Variants in FOXL2NB observed in about 807,000 individuals in gnomAD.
FOXL2NB encodes FOXL2 neighbor protein.
Under a neutral mutation model 7.4 loss-of-function variants are expected in FOXL2NB, and 10 were observed. The ratio of observed to expected loss-of-function variants is 1.34; its 90% CI spans 0.83 to 2.28. The LOEUF is 2.28. FOXL2NB is among the 30% of genes most tolerant of loss of function. FOXL2NB has a pLI of 0.00. For missense variants in FOXL2NB, 228 were observed against 233.9 expected (o/e 0.97, Z 0.17); for synonymous variants, 104 against 105.3 (o/e 0.99, Z 0.08).
rs5852928 is a variant in FOXL2NB, at chr3:138,949,391, CGTGT to C, written c.101-106_101-103del. Reference sequence around the variant, plus strand: ...AAGAGCCTGTGTGTGTATGCATGTGCGTGTGTGTGTGTGTGTGTGTGTGTGTAGG... The same window carrying C: ...AAGAGCCTGTGTGTGTATGCATGTGCGTGTGTGTGTGTGTGTGTGTGTAGG... On this transcript the variant is annotated intron_variant, in intron 1 of 2. Coordinates refer to ENST00000383165, the MANE Select transcript of FOXL2NB (RefSeq NM_001040061.3). The surrounding 1 kb of genome is among the most constrained non-coding windows in gnomAD (Gnocchi z 4.5). 9,607 of 811,190 alleles carry C rather than the reference CGTGT, an allele frequency of 0.012. 41 individuals are homozygous for C. Among genetic ancestry groups the C allele is most frequent in the East Asian group, 0.026 (900 of 34,974 alleles). 50.2% of individuals were successfully genotyped at this position (811,190 alleles called of 1,614,324 possible).
At position 138,949,928 on chromosome 3, in the gene FOXL2NB, T is replaced by C. The variant is rs1222363679; in HGVS notation, c.220+289T>C. 5 of 688,412 alleles carry C rather than the reference T, an allele frequency of 7.3e-6. No homozygotes were observed. The highest frequency in any genetic ancestry group is 1.3e-5 in the Non-Finnish European group (5 of 378,016). 42.6% of individuals were successfully genotyped at this position (688,412 alleles called of 1,614,324 possible). On this transcript the variant is annotated intron_variant, in intron 2 of 2. Coordinates refer to ENST00000383165, the MANE Select transcript of FOXL2NB (RefSeq NM_001040061.3). This position sits in a 1 kb window ranked among gnomAD's most constrained non-coding sequence, Gnocchi z 4.5. ...TAGGTTTTGTGGACGCCAGGGCCGG[T>C]TCCTTTTCTCCCCGCGGCATTGGGG...
Position 138,950,354 on chromosome 3 carries a change from GAGGC to G in FOXL2NB, c.317_320del (p.Gly106AlafsTer4). 1.9e-6 allele frequency: 3 copies of G among 1,611,644 alleles called. No individual in the cohort carries two copies. The highest frequency in any genetic ancestry group is 2.5e-6 in the Non-Finnish European group (3 of 1,179,672). ...ACTAGGGAAGCGTCGCGGCTGCTCTGAGGCAGGCAGCGCTTCGCTAGAACCACTC... is the reference window on the plus strand; with the variant it reads ...ACTAGGGAAGCGTCGCGGCTGCTCTGAGGCAGCGCTTCGCTAGAACCACTC... On this transcript the variant is annotated frameshift_variant, in exon 3 of 3. Coordinates refer to ENST00000383165, the MANE Select transcript of FOXL2NB (RefSeq NM_001040061.3). LOFTEE classifies it low-confidence loss of function (END_TRUNC).
At position 138,947,500 on chromosome 3, in the gene FOXL2NB, T is replaced by G; in HGVS notation, c.100+36T>G. On this transcript the variant is annotated intron_variant, in intron 1 of 2. Coordinates refer to ENST00000383165, the MANE Select transcript of FOXL2NB (RefSeq NM_001040061.3). This position sits in a 1 kb window ranked among gnomAD's most constrained non-coding sequence, Gnocchi z 5.2. ...ACGACTCCTTTGCTCTGCCGTTTGC[T>G]GCCGTCTTGAGGCTGAACTTCTAGC... The G allele has an allele frequency of 6.6e-7, 1 of 1,512,826 alleles. No individual in the cohort carries two copies. The highest frequency in any genetic ancestry group is 8.9e-7 in the Non-Finnish European group (1 of 1,122,720). 93.7% of individuals were successfully genotyped at this position (1,512,826 alleles called of 1,614,324 possible).
At chr3:138,948,078 T>A in intron 1 of FOXL2NB, 1 of 691,188 alleles carries the variant, frequency 1.4e-6, no homozygotes, top group Non-Finnish European at 1.8e-6. Flanking sequence ...AGTTATGTAA[T>A]ATGTTCATCA....
At chr3:138,950,107 C>A in intron 2 of FOXL2NB, 158 bp from the exon 3 acceptor site, 1 of 830,838 alleles carries the variant, frequency 1.2e-6, no homozygotes, top group Non-Finnish European at 2.0e-6. Flanking sequence ...GACCGTGGTC[C>A]CACCGTAGCG....
chr3:138,950,286 G>C lies in FOXL2NB; in HGVS notation c.242G>C (p.Arg81Pro), dbSNP rs1325943097. 17 of 1,605,046 alleles carry C rather than the reference G, an allele frequency of 1.1e-5. No homozygotes were observed. The highest frequency in any genetic ancestry group is 1.7e-5 in the Admixed American group (1 of 57,170). Residue 81 changes from arginine to proline, a missense_variant, in exon 3 of 3, where the codon CGG becomes CCG. Transcript: ENST00000383165. ...QKTGPGILQQ[R>P]QKPPAPRASG... is the part of the protein sequence containing the mutation. ...CCAGGGCCGGGAATCCTGCAACAGCGGCAGAAGCCGCCCGCGCCTCGGGCT... is the reference window on the plus strand; with the variant it reads ...CCAGGGCCGGGAATCCTGCAACAGCCGCAGAAGCCGCCCGCGCCTCGGGCT...
rs1936057223 is a variant in FOXL2NB at position 138,949,038 on chromosome 3, C to G, written c.101-482C>G. Among the ~76,000 whole-genome samples, 1 of 152,206 alleles carries G rather than the reference C, an allele frequency of 6.6e-6. No individual in the cohort carries two copies. Among genetic ancestry groups the G allele is most frequent in the Non-Finnish European group, 1.5e-5 (1 of 68,036 alleles). ...CAGATGTTTTTCTTCTTCCTTACCC[C>G]CATCCTTGCCCAAGCTTTGGGTGGG... is the stretch of plus-strand genomic sequence containing the variant. On this transcript the variant is annotated intron_variant, in intron 1 of 2. Coordinates refer to ENST00000383165, the MANE Select transcript of FOXL2NB (RefSeq NM_001040061.3). This position sits in a 1 kb window ranked among gnomAD's most constrained non-coding sequence, Gnocchi z 4.5.
rs750537114 is a variant in FOXL2NB at position 138,950,235 on chromosome 3, C to G, written c.221-30C>G. The G allele has an allele frequency of 2.5e-6, 4 of 1,607,574 alleles. No homozygotes were observed. The Admixed American group carries it at 6.7e-5, about 27-fold the overall frequency. On this transcript the variant is annotated intron_variant, in intron 2 of 2. Transcript: ENST00000383165. Reference sequence around the variant, plus strand: ...CGACAGCCGGCGCGAGCAATCTACACGGCTCTGATACAGACGCTTTTCTCC... The same window carrying G: ...CGACAGCCGGCGCGAGCAATCTACAGGGCTCTGATACAGACGCTTTTCTCC...
Position 138,947,578 on chromosome 3 carries a change from G to A in FOXL2NB, c.100+114G>A. Reference sequence around the variant, plus strand: ...AGGGGGCTGGACGGGGTAGGGTGGGGAGAGCTGCTCTGAGGCTTTGGGAAA... The same window carrying A: ...AGGGGGCTGGACGGGGTAGGGTGGGAAGAGCTGCTCTGAGGCTTTGGGAAA... On this transcript the variant is annotated intron_variant, in intron 1 of 2. Coordinates refer to ENST00000383165, the MANE Select transcript of FOXL2NB (RefSeq NM_001040061.3). The surrounding 1 kb of genome is among the most constrained non-coding windows in gnomAD (Gnocchi z 5.2). 6.9e-7 allele frequency: 1 copy of A among 1,448,586 alleles called. No homozygotes were observed. The highest frequency in any genetic ancestry group is 9.1e-7 in the Non-Finnish European group (1 of 1,096,996). 89.7% of individuals were successfully genotyped at this position (1,448,586 alleles called of 1,614,324 possible). A position where few individuals can be genotyped will look rare whatever the true frequency, so the allele number is the denominator to read the frequency against.
In FOXL2NB at chr3:138,947,599, G is replaced by A; in HGVS notation, c.100+135G>A. 12 of 1,421,012 alleles carry A rather than the reference G, an allele frequency of 8.4e-6. No homozygotes were observed. The highest frequency in any genetic ancestry group is 1.1e-5 in the Non-Finnish European group (12 of 1,087,024). The allele number at this position is 1,421,012 out of a possible 1,614,324, so 88.0% of individuals were successfully genotyped here. A position where few individuals can be genotyped will look rare whatever the true frequency, so the allele number is the denominator to read the frequency against. On this transcript the variant is annotated intron_variant, in intron 1 of 2. Transcript: ENST00000383165. This position sits in a 1 kb window ranked among gnomAD's most constrained non-coding sequence, Gnocchi z 5.2. ...TGGGGAGAGCTGCTCTGAGGCTTTGGGAAAGTCAGCCCAGAAACGGGTGTG... is the reference window on the plus strand; with the variant it reads ...TGGGGAGAGCTGCTCTGAGGCTTTGAGAAAGTCAGCCCAGAAACGGGTGTG...
In FOXL2NB at chr3:138,950,936, T is replaced by C. The variant is rs894853226; in HGVS notation, c.*364T>C. The C allele has an allele frequency of 7.1e-6, 2 of 281,908 alleles. No individual in the cohort carries two copies. The highest frequency in any genetic ancestry group is 1.3e-5 in the Non-Finnish European group (2 of 150,990). The allele number at this position is 281,908 out of a possible 1,614,324, so 17.5% of individuals were successfully genotyped here. ...TACAAGCCTGACTCCGAGAAGCCTGTTGATTCTCTGATGTCCTTGGCCTGT... is the reference window on the plus strand; with the variant it reads ...TACAAGCCTGACTCCGAGAAGCCTGCTGATTCTCTGATGTCCTTGGCCTGT... On this transcript the variant is annotated 3_prime_UTR_variant, in exon 3 of 3. Coordinates refer to ENST00000383165, the MANE Select transcript of FOXL2NB (RefSeq NM_001040061.3).
Position 138,947,832 on chromosome 3 carries a change from T to C in FOXL2NB, c.100+368T>C. On this transcript the variant is annotated intron_variant, in intron 1 of 2. Transcript: ENST00000383165. This position sits in a 1 kb window ranked among gnomAD's most constrained non-coding sequence, Gnocchi z 5.2. ...TGGAGTGAAGGTTGGATGTGTGCTTTAACAGCACCAAGTAGATGCCCCTCA... is the reference window on the plus strand; with the variant it reads ...TGGAGTGAAGGTTGGATGTGTGCTTCAACAGCACCAAGTAGATGCCCCTCA... 9.7e-7 allele frequency: 1 copy of C among 1,027,850 alleles called. No homozygotes were observed. The highest frequency in any genetic ancestry group is 3.9e-5 in the South Asian group (1 of 25,876). The allele number at this position is 1,027,850 out of a possible 1,614,324, so 63.7% of individuals were successfully genotyped here.
chr3:138,949,966 C>T lies in FOXL2NB; in HGVS notation c.221-299C>T, dbSNP rs777212302. 3.7e-5 allele frequency: 26 copies of T among 696,292 alleles called. No individual in the cohort carries two copies. The African/African-American group carries it at 3.8e-4, about 10-fold the overall frequency. The allele number at this position is 696,292 out of a possible 1,614,324, so 43.1% of individuals were successfully genotyped here. A position where few individuals can be genotyped will look rare whatever the true frequency, so the allele number is the denominator to read the frequency against. On this transcript the variant is annotated intron_variant, in intron 2 of 2. Transcript: ENST00000383165. The surrounding 1 kb of genome is among the most constrained non-coding windows in gnomAD (Gnocchi z 4.5). ...CGCGGCATTGGGGCGACGCAGGGCC[C>T]CCGGCTTAGTGACCTTGGGGCGGCG...
chr3:138,950,094 C>T, intron 2 of FOXL2NB, 171 bp from the exon 3 acceptor site: 1 of 778,648 alleles, frequency 1.3e-6, no homozygotes, highest in Non-Finnish European at 2.2e-6. Flanking sequence ...ACCGGCGCCT[C>T]CTGACCGTGG....
At position 138,947,577 on chromosome 3, in the gene FOXL2NB, G is replaced by C. The variant is rs1936015937; in HGVS notation, c.100+113G>C. The C allele has an allele frequency of 6.2e-6, 9 of 1,449,138 alleles. No homozygotes were observed. Among genetic ancestry groups the C allele is most frequent in the African/African-American group, 1.4e-5 (1 of 69,126 alleles). 89.8% of individuals were successfully genotyped at this position (1,449,138 alleles called of 1,614,324 possible). ...GAGGGGGCTGGACGGGGTAGGGTGG[G>C]GAGAGCTGCTCTGAGGCTTTGGGAA... On this transcript the variant is annotated intron_variant, in intron 1 of 2. Coordinates refer to ENST00000383165, the MANE Select transcript of FOXL2NB (RefSeq NM_001040061.3). This position sits in a 1 kb window ranked among gnomAD's most constrained non-coding sequence, Gnocchi z 5.2.
chr3:138,948,613 C>G (rs1936044736), intron 1 of FOXL2NB, among the ~76,000 whole-genome samples: 1 of 152,168 alleles, frequency 6.6e-6, no homozygotes, highest in Non-Finnish European at 1.5e-5. Context: ...ATTGGCATGT[C>G]TGGAGTGGCT....
chr3:138,950,520 G>A lies in FOXL2NB; in HGVS notation c.476G>A (p.Gly159Glu). The A allele has an allele frequency of 6.2e-7, 1 of 1,614,238 alleles. No individual in the cohort carries two copies. The highest frequency in any genetic ancestry group is 8.5e-7 in the Non-Finnish European group (1 of 1,180,050). ...IELAATLCLE[G>E]WPLRCLASKG... ...CTTGCTGCAACCCTCTGCTTGGAGG[G>A]ATGGCCTCTGCGGTGCTTGGCTAGC... is the stretch of plus-strand genomic sequence containing the variant. Residue 159 changes from glycine to glutamate, a missense_variant, in exon 3 of 3, where the codon GGA becomes GAA. By Grantham distance (98) the Gly-to-Glu change is moderately conservative (BLOSUM62 -2). Transcript: ENST00000383165.
chr3:138,950,343 G>A lies in FOXL2NB; in HGVS notation c.299G>A (p.Arg100His), dbSNP rs781560668. Residue 100 changes from arginine to histidine, a missense_variant, in exon 3 of 3, where the codon CGC (arginine) becomes CAC (histidine). Coordinates refer to ENST00000383165, the MANE Select transcript of FOXL2NB (RefSeq NM_001040061.3). ...GGCCCAGCTCTACTAGGGAAGCGTC[G>A]CGGCTGCTCTGAGGCAGGCAGCGCT... ...SGGPALLGKR[R>H]GCSEAGSASL... The A allele has an allele frequency of 1.9e-6, 3 of 1,610,266 alleles. No homozygotes were observed. The highest frequency in any genetic ancestry group is 1.1e-5 in the South Asian group (1 of 90,758).
rs1936102060 is a variant in FOXL2NB at position 138,950,321 on chromosome 3, C to G, written c.277C>G (p.Pro93Ala). ...KPPAPRASGG[P>A]ALLGKRRGCS... ...GCCCGCGCCTCGGGCTTCCGGCGGCCCAGCTCTACTAGGGAAGCGTCGCGG... is the reference window on the plus strand; with the variant it reads ...GCCCGCGCCTCGGGCTTCCGGCGGCGCAGCTCTACTAGGGAAGCGTCGCGG... Residue 93 changes from proline (P) to alanine (A), a missense_variant, in exon 3 of 3, where the codon CCA becomes GCA. By Grantham distance (27) the Pro-to-Ala change is conservative. Coordinates refer to ENST00000383165, the MANE Select transcript of FOXL2NB (RefSeq NM_001040061.3). 6.2e-7 allele frequency: 1 copy of G among 1,608,922 alleles called. No individual in the cohort carries two copies. The highest frequency in any genetic ancestry group is 1.3e-5 in the African/African-American group (1 of 74,626).
Sources: gnomAD v4.1 joint callset for allele counts (sites outside exome capture counted in the v4.1 genomes callset) on GRCh38, gnomAD v4.1.1 for gene constraint, Gnocchi (gnomAD v3.1) non-coding constraint, MANE v1.5 for transcripts, NCBI Gene and HGNC (gene_info 2026-07-23, HGNC 2026-07-21) for gene names.